The following LEMD2 variants were observed in gnomAD, a reference collection of about 807,000 sequenced individuals.
LEMD2 encodes LEM domain nuclear envelope protein 2, also known as LEM domain-containing protein 2.
In LEMD2, 34 loss-of-function variants were observed where a neutral mutation model predicts 58.8. The ratio of observed to expected loss-of-function variants is 0.58; its 90% CI spans 0.44 to 0.77. The LOEUF is 0.77. LEMD2 is among the 30% of genes least tolerant of loss of function. The probability of loss-of-function intolerance (pLI) is 0.00; values close to 1 mark genes in which losing one functional copy is unlikely to be tolerated. For synonymous variants in LEMD2, 298 were observed against 308.9 expected (o/e 0.96, Z 0.37); for missense variants, 629 against 717.9 (o/e 0.88, Z 1.42).
intron 8 of LEMD2, among the ~76,000 whole-genome samples, chr6:33,775,215 C>G (rs1767401316): frequency 6.6e-6 from 1 of 152,256 alleles, no homozygotes; most frequent in Non-Finnish European, 1.5e-5. Flanking sequence ...AAGCACAGCC[C>G]ATGCTGCTGT....
intron 4 of LEMD2, 52 bp from the exon 5 acceptor site, chr6:33,780,231 G>T: frequency 6.9e-7 from 1 of 1,439,884 alleles, no homozygotes; most frequent in South Asian, 1.2e-5. Context: ...GGAGCAGCTG[G>T]AACATTATTC....
At chr6:33,780,439 C>G (rs558214053) in intron 4 of LEMD2, 42 of 506,202 alleles carry the variant, frequency 8.3e-5, no homozygotes, top group Non-Finnish European at 1.4e-4. Flanking sequence ...ATATGATTCT[C>G]TCGAGGATGG....
intron 2 of LEMD2, 119 bp downstream of exon 2, chr6:33,786,615 G>C (rs1767682669): frequency 2.7e-6 from 2 of 736,786 alleles, no homozygotes; most frequent in South Asian, 3.3e-5. Context: ...TGTGACTCTG[G>C]TACATTACAG....
chr6:33,784,932 G>A (rs1281078478), intron 2 of LEMD2, among the ~76,000 whole-genome samples: 1 of 152,102 alleles, frequency 6.6e-6, no homozygotes, highest in African/African-American at 2.4e-5. Context: ...TAAGGATTGT[G>A]GTAGGATTCA....
chr6:33,780,583 C>G (rs1183062077), intron 4 of LEMD2, among the ~76,000 whole-genome samples: 2 of 143,274 alleles, frequency 1.4e-5, no homozygotes, highest in Admixed American at 1.5e-4. Flanking sequence ...CTCCAGGCCT[C>G]AGTTTCTTCA....
intron 1 of LEMD2, 163 bp from the exon 2 acceptor site, chr6:33,786,937 A>G (rs1479576623): frequency 6.9e-7 from 1 of 1,439,356 alleles, no homozygotes; most frequent in African/African-American, 1.4e-5. Context: ...TGCAGACAGC[A>G]AAATGTAAGG....
intron 4 of LEMD2, 76 bp from the exon 5 acceptor site, chr6:33,780,255 A>G: frequency 7.7e-7 from 1 of 1,295,752 alleles, no homozygotes; most frequent in Non-Finnish European, 1.1e-6. Context: ...TGCTGGATTA[A>G]GGAAGCCCTC....
chr6:33,787,070 G>T, intron 1 of LEMD2: 3 of 407,566 alleles, frequency 7.4e-6, no homozygotes, highest in Admixed American at 4.3e-5. Context: ...TGTAAAACGG[G>T]ATCAAATGGG....
Position 33,772,156 on chromosome 6 carries a change from C to T in LEMD2, c.*472G>A, listed in dbSNP as rs938473687. The stretch of plus-strand genomic sequence containing the variant: ...GAGGCCCAGCCAGCCAGAGCACAGG[C>T]TTTCTCCCTTCACCCTGGAGCTCTC... On this transcript the variant is annotated 3_prime_UTR_variant, in exon 9 of 9. Coordinates refer to ENST00000293760, the MANE Select transcript of LEMD2 (RefSeq NM_181336.4). The T allele has an allele frequency of 6.4e-6, 1 of 156,780 alleles. No homozygotes were observed. Among genetic ancestry groups the T allele is most frequent in the Admixed American group, 6.4e-5 (1 of 15,636 alleles). 9.7% of individuals were successfully genotyped at this position (156,780 alleles called of 1,614,324 possible). A position where few individuals can be genotyped will look rare whatever the true frequency, so the allele number is the denominator to read the frequency against.
rs1386474894 is a variant in LEMD2, at chr6:33,772,466, G to A, written c.*162C>T. ...GGAAGCCCACATTTTCCTGCGAGCC[G>A]AACTCCTCTGAAGAGTATGGCAGAC... On this transcript the variant is annotated 3_prime_UTR_variant, in exon 9 of 9. Transcript: ENST00000293760. The A allele has an allele frequency of 1.8e-5, 11 of 613,186 alleles. No homozygotes were observed. Among genetic ancestry groups the A allele is most frequent in the Non-Finnish European group, 3.0e-5 (11 of 369,182 alleles). The allele number at this position is 613,186 out of a possible 1,614,324, so 38.0% of individuals were successfully genotyped here. A position where few individuals can be genotyped will look rare whatever the true frequency, so the allele number is the denominator to read the frequency against.
In LEMD2 at chr6:33,778,827, A is replaced by ATCATGGGGCATCCATGAGGC. The variant is rs1767499182; in HGVS notation, c.1011-460_1011-441dup. ...GCACATAAGCTGTTTAAGTGTAAAG[A>ATCATGGGGCATCCATGAGGC]TCATGGGGCATCCATGAGGCTCATG... is the stretch of plus-strand genomic sequence containing the variant. On this transcript the variant is annotated intron_variant, in intron 5 of 8. Transcript: ENST00000293760. The surrounding 1 kb of genome is among the most constrained non-coding windows in gnomAD (Gnocchi z 4.7). The ATCATGGGGCATCCATGAGGC allele has an allele frequency of 1.3e-5, 2 of 152,678 alleles. No homozygotes were observed. Among genetic ancestry groups the ATCATGGGGCATCCATGAGGC allele is most frequent in the Non-Finnish European group, 2.9e-5 (2 of 68,474 alleles). The allele number at this position is 152,678 out of a possible 1,614,324, so 9.5% of individuals were successfully genotyped here.
At chr6:33,776,918 C>T in intron 8 of LEMD2, 36 bp downstream of exon 8, 4 of 1,563,396 alleles carry the variant, frequency 2.6e-6, no homozygotes, top group Non-Finnish European at 3.5e-6. Flanking sequence ...CGGACCCCAT[C>T]TTACCTCACA....
chr6:33,787,112 A>C (rs1767694866), intron 1 of LEMD2: 1 of 306,258 alleles, frequency 3.3e-6, no homozygotes, highest in African/African-American at 2.2e-5. Context: ...AGTTAGGCCC[A>C]AACAAAACAA....
chr6:33,773,745 C>T (rs554896458), intron 8 of LEMD2, among the ~76,000 whole-genome samples: 4 of 152,240 alleles, frequency 2.6e-5, no homozygotes, highest in Admixed American at 6.5e-5. Context: ...GAGCAGGAAG[C>T]GGCCAGTGTT....
chr6:33,773,171 G>A (rs75494169), intron 8 of LEMD2, among the ~76,000 whole-genome samples: 3,566 of 152,280 alleles, frequency 0.023, 57 homozygotes, highest in South Asian at 0.068. Flanking sequence ...TCATTGAAGA[G>A]TGAGCACTGG....
At chr6:33,776,467 C>A in intron 8 of LEMD2, 1 of 183,408 alleles carries the variant, frequency 5.5e-6, no homozygotes, top group Non-Finnish European at 1.2e-5. Flanking sequence ...GACAGTGCCC[C>A]AGCTGCTGTT....
chr6:33,780,358 A>G, intron 4 of LEMD2, 179 bp from the exon 5 acceptor site: 1 of 650,682 alleles, frequency 1.5e-6, no homozygotes. Flanking sequence ...GCCAAGGAAG[A>G]GGCTATAACC....
intron 2 of LEMD2, among the ~76,000 whole-genome samples, chr6:33,786,460 A>G (rs1419855382): frequency 1.3e-5 from 2 of 152,110 alleles, no homozygotes; most frequent in African/African-American, 4.8e-5. Context: ...CCCTAGATTG[A>G]CTCAGGCAGA....
Position 33,778,524 on chromosome 6 carries a change from C to G in LEMD2, c.1011-137G>C. ...TTGCTTATAGAATAGGCTTGGTATCCTGGCTGCATTCTTTCCAGAAATTTC... is the reference window on the plus strand; with the variant it reads ...TTGCTTATAGAATAGGCTTGGTATCGTGGCTGCATTCTTTCCAGAAATTTC... On this transcript the variant is annotated intron_variant, in intron 5 of 8. Transcript: ENST00000293760. This position sits in a 1 kb window ranked among gnomAD's most constrained non-coding sequence, Gnocchi z 4.7. 1 of 584,620 alleles carries G rather than the reference C, an allele frequency of 1.7e-6. No homozygotes were observed. The highest frequency in any genetic ancestry group is 3.1e-5 in the East Asian group (1 of 32,452). The allele number at this position is 584,620 out of a possible 1,614,324, so 36.2% of individuals were successfully genotyped here.
Sources: allele counts gnomAD v4.1 joint callset (sites outside exome capture counted in the v4.1 genomes callset), GRCh38; gene constraint gnomAD v4.1.1; non-coding constraint Gnocchi (gnomAD v3.1); transcripts MANE v1.5; gene names NCBI Gene and HGNC (gene_info 2026-07-23, HGNC 2026-07-21).